Variants in CNTNAP2 observed in about 807,000 individuals in gnomAD.
The protein encoded by CNTNAP2 is contactin-associated protein-like 2.
A neutral mutation model predicts 155.2 loss-of-function variants in CNTNAP2; 98 were observed. The ratio of observed to expected loss-of-function variants is 0.63; its 90% CI spans 0.54 to 0.75. The LOEUF (loss-of-function observed/expected upper bound fraction) is 0.75, where lower values mean the gene tolerates loss of function less well. Ranked by LOEUF, CNTNAP2 falls within the 30% of genes least tolerant of loss-of-function variation. The probability of loss-of-function intolerance (pLI) is 0.00; values close to 1 mark genes in which losing one functional copy is unlikely to be tolerated. For synonymous variants in CNTNAP2, 651 were observed against 631.2 expected, an observed-to-expected ratio of 1.03 and a Z score of -0.47; for missense variants, 1,727 against 1,688.1, an observed-to-expected ratio of 1.02 and a Z score of -0.40.
rs536218185 is a variant in CNTNAP2 at position 148,366,126 on chromosome 7, G to A, written c.3476-17523G>A. Among the ~76,000 whole-genome samples, 22 of 50,920 alleles carry A rather than the reference G, an allele frequency of 4.3e-4. 11 individuals are homozygous for A. The highest frequency in any genetic ancestry group is 1.4e-3 in the African/African-American group (22 of 15,436). 33.4% of individuals were successfully genotyped at this position (50,920 alleles called of 152,430 possible). The stretch of plus-strand genomic sequence containing the variant: ...TATGCATGTATGCATGTATGTGTAT[G>A]CATGTATGCATGTATGTGTATGCAT... On this transcript the variant is annotated intron_variant, in intron 21 of 23. Coordinates refer to ENST00000361727, the MANE Select transcript of CNTNAP2 (RefSeq NM_014141.6).
intron 9 of CNTNAP2, among the ~76,000 whole-genome samples, chr7:147,338,787 T>C (rs2116855435): frequency 6.6e-6 from 1 of 152,082 alleles, no homozygotes; most frequent in South Asian, 2.1e-4. Context: ...CCAACACAAA[T>C]ATTTGCTAAT....
chr7:148,025,412 C>A (rs1224789226), intron 15 of CNTNAP2, among the ~76,000 whole-genome samples: 1 of 152,178 alleles, frequency 6.6e-6, no homozygotes, highest in South Asian at 2.1e-4. Flanking sequence ...TCTGCAGCAC[C>A]CATTCCCCAT....
chr7:146,339,548 A>G (rs1310133343), intron 1 of CNTNAP2, among the ~76,000 whole-genome samples: 1 of 152,214 alleles, frequency 6.6e-6, no homozygotes, highest in Non-Finnish European at 1.5e-5. Context: ...TTGAACTTGC[A>G]TATTCTATTA....
rs532422627 is a variant in CNTNAP2 at position 148,039,363 on chromosome 7, A to G, written c.2383+61374A>G. ...TATCTCTGGGACCTCAGCAAATTGGATCATGCCTGCCCACATGAGGGAGGA... is the reference window on the plus strand; with the variant it reads ...TATCTCTGGGACCTCAGCAAATTGGGTCATGCCTGCCCACATGAGGGAGGA... On this transcript the variant is annotated intron_variant, in intron 15 of 23. Coordinates refer to ENST00000361727, the MANE Select transcript of CNTNAP2 (RefSeq NM_014141.6). Among the ~76,000 whole-genome samples the G allele has an allele frequency of 3.3e-5, 5 of 152,200 alleles. No homozygotes were observed. In the South Asian group the frequency reaches 1.0e-3, roughly 32 times the overall value.
intron 20 of CNTNAP2, among the ~76,000 whole-genome samples, chr7:148,264,758 G>A (rs987368927): frequency 2.6e-5 from 4 of 152,030 alleles, no homozygotes; most frequent in Admixed American, 2.0e-4. Context: ...GCAGTGGCGC[G>A]ATCTCGGCTC....
intron 19 of CNTNAP2, among the ~76,000 whole-genome samples, chr7:148,218,370 T>C (rs1473364386): frequency 6.6e-6 from 1 of 152,178 alleles, no homozygotes; most frequent in Non-Finnish European, 1.5e-5. Context: ...ATCCCTGTCA[T>C]AAAGGTTGCT....
chr7:147,712,796 T>C (rs1039861999), intron 13 of CNTNAP2, among the ~76,000 whole-genome samples: 4 of 152,080 alleles, frequency 2.6e-5, no homozygotes, highest in African/African-American at 4.8e-5. Flanking sequence ...CTAATGTAAA[T>C]GACCAGTTAA....
intron 11 of CNTNAP2, among the ~76,000 whole-genome samples, chr7:147,546,037 G>T (rs1207119510): frequency 4.6e-5 from 7 of 152,134 alleles, no homozygotes; most frequent in Non-Finnish European, 8.8e-5. Context: ...CAGCCATGTG[G>T]AACAGTGAGT....
intron 2 of CNTNAP2, among the ~76,000 whole-genome samples, chr7:146,807,022 G>A (rs1007848369): frequency 6.6e-6 from 1 of 152,060 alleles, no homozygotes; most frequent in Non-Finnish European, 1.5e-5. Flanking sequence ...CCCCTTAAAT[G>A]AAAAAATGAA....
intron 4 of CNTNAP2, among the ~76,000 whole-genome samples, chr7:147,102,156 G>T (rs957162236): frequency 6.6e-6 from 1 of 151,554 alleles, no homozygotes; most frequent in Non-Finnish European, 1.5e-5. Flanking sequence ...ATATCAAATT[G>T]AAATATCAAA....
intron 15 of CNTNAP2, among the ~76,000 whole-genome samples, chr7:148,015,991 G>C (rs1279751021): frequency 6.6e-6 from 1 of 152,206 alleles, no homozygotes; most frequent in Admixed American, 6.5e-5. Flanking sequence ...CTTAGCATTT[G>C]ATTCCAAGCT....
intron 3 of CNTNAP2, among the ~76,000 whole-genome samples, chr7:147,014,268 TC>T (rs56842155): frequency 0.37 from 56,641 of 152,000 alleles, 10,734 homozygotes; most frequent in South Asian, 0.43. Flanking sequence ...TTTGAATTTT[TC>T]ATAGGTTTTT....
intron 21 of CNTNAP2, among the ~76,000 whole-genome samples, chr7:148,273,381 T>C (rs752820847): frequency 2.6e-5 from 4 of 152,224 alleles, no homozygotes; most frequent in Non-Finnish European, 5.9e-5. Flanking sequence ...ATGATAGATA[T>C]GAATTTAGAA....
intron 17 of CNTNAP2, among the ~76,000 whole-genome samples, chr7:148,171,747 A>G (rs1805798683): frequency 1.3e-5 from 2 of 152,218 alleles, no homozygotes; most frequent in African/African-American, 4.8e-5. Context: ...CATGAACTTA[A>G]AAGCAAAGCC....
chr7:148,268,091 G>A (rs1311139987), intron 21 of CNTNAP2, among the ~76,000 whole-genome samples: 2 of 152,114 alleles, frequency 1.3e-5, no homozygotes, highest in Non-Finnish European at 2.9e-5. Flanking sequence ...GATATGTGAA[G>A]ATTACACCCT....
chr7:147,192,990 A>G (rs764913100), intron 8 of CNTNAP2, among the ~76,000 whole-genome samples: 5 of 152,176 alleles, frequency 3.3e-5, no homozygotes, highest in Non-Finnish European at 7.3e-5. Context: ...ATATCACTAG[A>G]TATCTTGGAA....
intron 13 of CNTNAP2, among the ~76,000 whole-genome samples, chr7:147,725,912 G>A (rs1796633599): frequency 6.6e-6 from 1 of 152,010 alleles, no homozygotes; most frequent in Admixed American, 6.6e-5. Flanking sequence ...GTTTCTGACT[G>A]TGTGAAAGCT....
intron 11 of CNTNAP2, among the ~76,000 whole-genome samples, chr7:147,506,918 A>T (rs1798916730): frequency 6.6e-6 from 1 of 152,194 alleles, no homozygotes; most frequent in Non-Finnish European, 1.5e-5. Flanking sequence ...TGTGGGTGTG[A>T]GCTGAGGCTA....
Position 146,536,951 on chromosome 7 carries a change from A to G in CNTNAP2, c.98-237320A>G, listed in dbSNP as rs191918679. Reference sequence around the variant, plus strand: ...AGAACTTAACCATTAAAATAATCCCAAATATGAAATTAGCTGTTTTTCAAT... The same window carrying G: ...AGAACTTAACCATTAAAATAATCCCGAATATGAAATTAGCTGTTTTTCAAT... On this transcript the variant is annotated intron_variant, in intron 1 of 23. Coordinates refer to ENST00000361727, the MANE Select transcript of CNTNAP2 (RefSeq NM_014141.6). Among the ~76,000 whole-genome samples the G allele has an allele frequency of 7.8e-3, 1,190 of 152,268 alleles. 6 individuals carry two copies. The highest frequency in any genetic ancestry group is 0.013 in the Non-Finnish European group (888 of 68,022).
Sources: gnomAD v4.1 joint callset for allele counts (sites outside exome capture counted in the v4.1 genomes callset) on GRCh38, gnomAD v4.1.1 for gene constraint, MANE v1.5 for transcripts, NCBI Gene and HGNC (gene_info 2026-07-23, HGNC 2026-07-21) for gene names.